KCNK2: variants seen among roughly 807,000 people sequenced by gnomAD.
The protein encoded by KCNK2 is potassium two pore domain channel subfamily K member 2.
Under a neutral mutation model 40.5 loss-of-function variants are expected in KCNK2, and 21 were observed. The observed-to-expected ratio is 0.52, with a 90% CI of 0.37 to 0.75. The LOEUF (loss-of-function observed/expected upper bound fraction) is 0.75. KCNK2 is among the 30% of genes least tolerant of loss of function. The pLI is 0.00. For synonymous variants in KCNK2, 191 were observed against 202.2 expected, an observed-to-expected ratio of 0.94 and a Z score of 0.47; for missense variants, 399 against 531.6, an observed-to-expected ratio of 0.75 and a Z score of 2.45.
At chr1:215,037,724 T>C (rs1241719509) in intron 1 of KCNK2, among the ~76,000 whole-genome samples, 4 of 151,964 alleles carry the variant, frequency 2.6e-5, no homozygotes, top group Admixed American at 2.6e-4. Flanking sequence ...AATATTAAGA[T>C]AGTAATATAA....
intron 1 of KCNK2, among the ~76,000 whole-genome samples, chr1:215,066,114 G>C (rs1299139363): frequency 7.8e-6 from 1 of 128,480 alleles, no homozygotes; most frequent in Non-Finnish European, 1.6e-5. Flanking sequence ...AGGGCCTGTT[G>C]GGAGGTGCAG....
intron 1 of KCNK2, among the ~76,000 whole-genome samples, chr1:215,045,045 C>A (rs1657720039): frequency 6.6e-6 from 1 of 151,706 alleles, no homozygotes; most frequent in Non-Finnish European, 1.5e-5. Context: ...TAGCTGGGTG[C>A]AGTGGCGGGC....
chr1:215,217,566 C>A lies in KCNK2; in HGVS notation c.964-17262C>A, dbSNP rs191018575. 2.0e-5 allele frequency among the ~76,000 whole-genome samples: 3 copies of A among 152,236 alleles called. No individual in the cohort carries two copies. In the East Asian group the frequency reaches 5.8e-4, roughly 29 times the overall value. On this transcript the variant is annotated intron_variant, in intron 6 of 6. Transcript: ENST00000444842. Reference sequence around the variant, plus strand: ...TCCAGCTGCTCATCTCTAACTTGCACTGACACTAATTCTGGTAACTCACTA... The same window carrying A: ...TCCAGCTGCTCATCTCTAACTTGCAATGACACTAATTCTGGTAACTCACTA...
intron 5 of KCNK2, among the ~76,000 whole-genome samples, chr1:215,191,134 A>T (rs1309432894): frequency 1.1e-4 from 16 of 151,826 alleles, no homozygotes; most frequent in Admixed American, 1.0e-3. Context: ...AAAATACAAA[A>T]ATTCGTCAGG....
intron 2 of KCNK2, 25 bp downstream of exon 2, chr1:215,086,703 C>T (rs1558084417): frequency 6.3e-7 from 1 of 1,590,450 alleles, no homozygotes; most frequent in Non-Finnish European, 8.6e-7. Flanking sequence ...GGAGTTGTTA[C>T]TCTGTTCCCC....
exon 1 of KCNK2, chr1:215,005,863 G>T (rs1483034649): frequency 2.0e-6 from 3 of 1,506,148 alleles, no homozygotes; most frequent in Admixed American, 3.3e-5. Flanking sequence ...AAGAAACCTT[G>T]GAGGAAGAAC....
At chr1:215,046,077 G>A (rs534589102) in intron 1 of KCNK2, among the ~76,000 whole-genome samples, 6 of 152,224 alleles carry the variant, frequency 3.9e-5, no homozygotes, top group Admixed American at 1.3e-4. Flanking sequence ...TTCACAATAC[G>A]GGAGTGATTT....
intron 1 of KCNK2, among the ~76,000 whole-genome samples, chr1:215,031,317 G>C (rs988174750): frequency 6.6e-6 from 1 of 152,162 alleles, no homozygotes; most frequent in Non-Finnish European, 1.5e-5. Context: ...AAGCTGTGAA[G>C]GACTGACATC....
At chr1:215,212,700 A>G (rs922790942) in intron 6 of KCNK2, among the ~76,000 whole-genome samples, 1 of 152,208 alleles carries the variant, frequency 6.6e-6, no homozygotes, top group African/African-American at 2.4e-5. Context: ...TTTTTAACTT[A>G]AAAACTTTTG....
At chr1:215,143,198 A>C (rs998241615) in intron 3 of KCNK2, among the ~76,000 whole-genome samples, 1 of 152,046 alleles carries the variant, frequency 6.6e-6, no homozygotes, top group Non-Finnish European at 1.5e-5. Context: ...CTATTTGTGC[A>C]TGTGCTATGC....
chr1:215,007,177 G>GTATATGTATATGTATA lies in KCNK2; in HGVS notation c.34+1223_34+1224insATATGTATATGTATAT, dbSNP rs1656195407. 2.3e-4 allele frequency among the ~76,000 whole-genome samples: 19 copies of GTATATGTATATGTATA among 81,160 alleles called. 1 individual carries two copies. In the South Asian group the frequency reaches 8.4e-3, roughly 36 times the overall value. The allele number at this position is 81,160 out of a possible 152,430, so 53.2% of individuals were successfully genotyped here. Reference sequence around the variant, plus strand: ...TATATGTATGTATATATATATGTATGTGTGTGGGTATATATATATATATAT... The same window carrying GTATATGTATATGTATA: ...TATATGTATGTATATATATATGTATGTATATGTATATGTATATGTGTGGGTATATATATATATATAT... On this transcript the variant is annotated intron_variant, in intron 1 of 6. Transcript: ENST00000391895.
intron 6 of KCNK2, among the ~76,000 whole-genome samples, chr1:215,223,736 C>A (rs1440121072): frequency 6.6e-6 from 1 of 152,036 alleles, no homozygotes. Context: ...TAATGCTGTT[C>A]GGACACTCAT....
chr1:215,195,187 CATT>C, intron 6 of KCNK2, 95 bp downstream of exon 6: 1 of 1,000,520 alleles, frequency 1.0e-6, no homozygotes, highest in Non-Finnish European at 1.4e-6. Context: ...AATATTTAAA[CATT>C]TTAAAATGTT....
intron 3 of KCNK2, among the ~76,000 whole-genome samples, chr1:215,162,563 T>G (rs1663251034): frequency 6.6e-6 from 1 of 152,218 alleles, no homozygotes. Context: ...GGTCTTACGT[T>G]TAAGTCTTTA....
chr1:215,059,978 C>T lies in KCNK2; in HGVS notation c.35-26390C>T, dbSNP rs76955149. Among the ~76,000 whole-genome samples, 12 of 152,252 alleles carry T rather than the reference C, an allele frequency of 7.9e-5. 1 individual carries two copies. In the East Asian group the frequency reaches 1.9e-3, roughly 25 times the overall value. On this transcript the variant is annotated intron_variant, in intron 1 of 6. Transcript: ENST00000391895. ...TGTAGACAGATGGGCATGGGGCTTC[C>T]GATGCAGTTGACGGCACATCAGCAT...
At chr1:215,125,479 C>T (rs920809423) in intron 3 of KCNK2, among the ~76,000 whole-genome samples, 4 of 151,792 alleles carry the variant, frequency 2.6e-5, no homozygotes, top group Non-Finnish European at 2.9e-5. Context: ...TCATTCAGTG[C>T]CCAAAAGCTA....
intron 1 of KCNK2, among the ~76,000 whole-genome samples, chr1:215,028,273 T>C (rs1255079276): frequency 1.6e-4 from 24 of 151,980 alleles, no homozygotes; most frequent in Non-Finnish European, 2.4e-4. Context: ...TAATCCCAGT[T>C]ACTCAGGAGG....
At chr1:215,098,900 G>A (rs961623061) in intron 2 of KCNK2, among the ~76,000 whole-genome samples, 1 of 151,896 alleles carries the variant, frequency 6.6e-6, no homozygotes, top group Non-Finnish European at 1.5e-5. Flanking sequence ...GAGTGCATAT[G>A]TGTTCAAAGA....
At position 215,228,004 on chromosome 1, in the gene KCNK2, GT is replaced by G. The variant is rs574883126; in HGVS notation, c.964-6821del. Among the ~76,000 whole-genome samples the G allele has an allele frequency of 7.5e-4, 114 of 152,016 alleles. 1 individual carries two copies. Among genetic ancestry groups the G allele is most frequent in the African/African-American group, 2.6e-3 (106 of 41,458 alleles). ...TAAATGATTTCACTTAGGGACATAA[GT>G]TTGAGATGCCTGGGAGCCATCGAAA... On this transcript the variant is annotated intron_variant, in intron 6 of 6. Coordinates refer to ENST00000444842, the MANE Select transcript of KCNK2 (RefSeq NM_001017425.3).
Sources: gnomAD v4.1 joint callset for allele counts (sites outside exome capture counted in the v4.1 genomes callset) on GRCh38, gnomAD v4.1.1 for gene constraint, MANE v1.5 for transcripts, NCBI Gene and HGNC (gene_info 2026-07-23, HGNC 2026-07-21) for gene names.